The following PHLDB2 variants were observed in gnomAD, a reference collection of about 807,000 sequenced individuals.
PHLDB2 encodes pleckstrin homology like domain family B member 2, also known as pleckstrin homology-like domain family B member 2.
PHLDB2 carries 71 observed loss-of-function variants against 123.6 expected under a neutral mutation model. The ratio of observed to expected loss-of-function variants is 0.57; its 90% CI spans 0.47 to 0.70. PHLDB2 has a LOEUF of 0.70. PHLDB2 is among the 30% of genes least tolerant of loss of function. The pLI, the probability that PHLDB2 is intolerant of heterozygous loss-of-function variation, is 0.00. For missense variants in PHLDB2, 1,446 were observed against 1,519.5 expected (o/e 0.95, Z 0.80); for synonymous variants, 547 against 541.6 (o/e 1.01, Z -0.14).
intron 1 of PHLDB2, among the ~76,000 whole-genome samples, chr3:111,799,019 C>T (rs535247470): frequency 1.5e-4 from 23 of 152,324 alleles, no homozygotes; most frequent in African/African-American, 4.3e-4. Flanking sequence ...CAAACACATC[C>T]TTCTTCACAT....
intron 1 of PHLDB2, among the ~76,000 whole-genome samples, chr3:111,822,450 A>G (rs979390538): frequency 2.6e-5 from 4 of 152,098 alleles, no homozygotes; most frequent in Non-Finnish European, 5.9e-5. Context: ...CAAAAATGTC[A>G]AGGAAAGTCA....
intron 2 of PHLDB2, among the ~76,000 whole-genome samples, chr3:111,906,874 A>G (rs1049020806): frequency 2.0e-5 from 3 of 152,194 alleles, no homozygotes; most frequent in South Asian, 4.1e-4. Flanking sequence ...TGGTGCACGC[A>G]TACATGCACA....
At chr3:111,756,530 G>T (rs563554338) in intron 1 of PHLDB2, among the ~76,000 whole-genome samples, 3 of 152,146 alleles carry the variant, frequency 2.0e-5, no homozygotes, top group Non-Finnish European at 2.9e-5. Flanking sequence ...TTTATTTTGA[G>T]CCTATGTGTG....
At chr3:111,868,182 G>C (rs2065173854) in intron 1 of PHLDB2, among the ~76,000 whole-genome samples, 1 of 151,962 alleles carries the variant, frequency 6.6e-6, no homozygotes, top group Admixed American at 6.6e-5. Flanking sequence ...ACCATGCCTG[G>C]CTAATTTTTT....
intron 1 of PHLDB2, among the ~76,000 whole-genome samples, chr3:111,780,309 G>GAGGAAGAAGAGGAAGAAGAA (rs1559827108): frequency 1.5e-4 from 1 of 6,860 alleles, no homozygotes; most frequent in African/African-American, 4.7e-4. Flanking sequence ...AAGAGGAAGA[G>GAGGAAGAAGAGGAAGAAGAA]GAAGAGGAAG....
chr3:111,905,753 C>T (rs2067485025), intron 2 of PHLDB2, among the ~76,000 whole-genome samples: 1 of 152,116 alleles, frequency 6.6e-6, no homozygotes, highest in South Asian at 2.1e-4. Context: ...AGCATCGCAG[C>T]AAACACATGA....
At chr3:111,915,311 A>G (rs1008070061) in intron 3 of PHLDB2, 2 of 152,228 alleles carry the variant, frequency 1.3e-5, no homozygotes, top group African/African-American at 4.8e-5. Flanking sequence ...AGCTACAGCA[A>G]GACTTTTACA....
intron 1 of PHLDB2, among the ~76,000 whole-genome samples, chr3:111,867,811 C>G (rs1405820727): frequency 6.6e-6 from 1 of 152,064 alleles, no homozygotes; most frequent in Admixed American, 6.5e-5. Flanking sequence ...AACTGATCCT[C>G]TCACCTCAAC....
chr3:111,768,105 G>C lies in PHLDB2; in HGVS notation c.-49+35402G>C, dbSNP rs182552502. ...AGAGTTGATAGCCACAAATAGGGGAGTTTCCCCTATTAGAAAGTACCCAGG... is the reference window on the plus strand; with the variant it reads ...AGAGTTGATAGCCACAAATAGGGGACTTTCCCCTATTAGAAAGTACCCAGG... On this transcript the variant is annotated intron_variant, in intron 1 of 17. Coordinates refer to the PHLDB2 transcript ENST00000393923. Among the ~76,000 whole-genome samples, 6 of 152,270 alleles carry C rather than the reference G, an allele frequency of 3.9e-5. No individual in the cohort carries two copies. The South Asian group carries it at 6.2e-4, about 16-fold the overall frequency.
chr3:111,795,058 A>T (rs1200143943), intron 1 of PHLDB2, among the ~76,000 whole-genome samples: 2 of 152,208 alleles, frequency 1.3e-5, no homozygotes, highest in Non-Finnish European at 2.9e-5. Context: ...ACTGCAAAAT[A>T]TTCTCAAATC....
chr3:111,758,112 A>G (rs2059928784), intron 1 of PHLDB2, among the ~76,000 whole-genome samples: 2 of 152,108 alleles, frequency 1.3e-5, no homozygotes, highest in South Asian at 4.1e-4. Context: ...GCGTGCTGGG[A>G]GAACCACTGC....
rs2063837744 is a variant in PHLDB2 at position 111,844,282 on chromosome 3, A to G, written c.-48-1539A>G. Among the ~76,000 whole-genome samples the G allele has an allele frequency of 2.0e-5, 3 of 152,124 alleles. No individual in the cohort carries two copies. The South Asian group carries it at 6.2e-4, about 32-fold the overall frequency. ...GTCTTGATCTGCATCCTCCAAATATACATCTCTAATCTTGTTCTCTACCCT... is the reference window on the plus strand; with the variant it reads ...GTCTTGATCTGCATCCTCCAAATATGCATCTCTAATCTTGTTCTCTACCCT... On this transcript the variant is annotated intron_variant, in intron 1 of 17. Transcript: ENST00000393923.
In PHLDB2 at chr3:111,974,612, C is replaced by G. The variant is rs759139585; in HGVS notation, c.*49C>G. 1.3e-6 allele frequency: 2 copies of G among 1,527,262 alleles called. No homozygotes were observed. The highest frequency in any genetic ancestry group is 2.4e-5 in the East Asian group (1 of 42,232). The allele number at this position is 1,527,262 out of a possible 1,614,324, so 94.6% of individuals were successfully genotyped here. ...CAGGGCAGACGGCAATAATCTCTTA[C>G]AAGAATGAAGCCATATTCAACCCCA... On this transcript the variant is annotated 3_prime_UTR_variant, in exon 18 of 18. Transcript: ENST00000431670.
chr3:111,885,683 CAGA>C (rs2066126905), intron 2 of PHLDB2: 2 of 634,176 alleles, frequency 3.2e-6, no homozygotes, highest in African/African-American at 3.7e-5. Flanking sequence ...AAAAACATAA[CAGA>C]GGAGTTGGGA....
At chr3:111,879,231 CTTGTTATTGTTCTATTCAGGG>C (rs1274000637) in intron 1 of PHLDB2, among the ~76,000 whole-genome samples, 3 of 152,118 alleles carry the variant, frequency 2.0e-5, no homozygotes, top group Non-Finnish European at 4.4e-5. Flanking sequence ...AATTTCAGAA[CTTGTTATTGTTCTATTCAGGG>C]TTTGACCTCT....
intron 16 of PHLDB2, among the ~76,000 whole-genome samples, chr3:111,972,684 T>C (rs1192112972): frequency 1.3e-5 from 2 of 152,000 alleles, no homozygotes; most frequent in African/African-American, 4.8e-5. Context: ...AAGGGTTTTT[T>C]CCTTAGGAGC....
chr3:111,736,958 G>A (rs2059518299), intron 1 of PHLDB2, among the ~76,000 whole-genome samples: 2 of 152,274 alleles, frequency 1.3e-5, no homozygotes, highest in South Asian at 4.2e-4. Flanking sequence ...GTAGGGACTA[G>A]AGACCCCACA....
chr3:111,837,561 T>A (rs1576827391), intron 1 of PHLDB2, among the ~76,000 whole-genome samples: 1 of 152,186 alleles, frequency 6.6e-6, no homozygotes, highest in African/African-American at 2.4e-5. Flanking sequence ...ACTAAATGCA[T>A]ATACTAATAT....
chr3:111,876,559 A>T (rs2065630600), intron 1 of PHLDB2, among the ~76,000 whole-genome samples: 1 of 152,176 alleles, frequency 6.6e-6, no homozygotes, highest in Non-Finnish European at 1.5e-5. Context: ...CATAACGGAG[A>T]GAAAATGTAT....
Sources: gnomAD v4.1 joint callset for allele counts (sites outside exome capture counted in the v4.1 genomes callset) on GRCh38, gnomAD v4.1.1 for gene constraint, MANE v1.5 for transcripts, NCBI Gene and HGNC (gene_info 2026-07-23, HGNC 2026-07-21) for gene names.